The following ERC2 variants were observed in gnomAD, a reference collection of about 807,000 sequenced individuals.
The protein encoded by ERC2 is ELKS/RAB6-interacting/CAST family member 2.
ERC2 carries 42 observed loss-of-function variants against 114.8 expected under a neutral mutation model. The ratio of observed to expected loss-of-function variants is 0.37; its 90% CI spans 0.29 to 0.47. ERC2 has a LOEUF of 0.47. ERC2 is among the 20% of genes least tolerant of loss of function. ERC2 has a pLI of 0.99. For synonymous variants in ERC2, 454 were observed against 425.5 expected (o/e 1.07, Z -0.82); for missense variants, 939 against 1,150.7 (o/e 0.82, Z 2.66).
intron 17 of ERC2, among the ~76,000 whole-genome samples, chr3:55,640,907 C>T (rs760050665): frequency 3.3e-5 from 5 of 152,098 alleles, no homozygotes; most frequent in African/African-American, 9.7e-5. Context: ...CTGTGGGGAG[C>T]GAACACGACA....
intron 2 of ERC2, among the ~76,000 whole-genome samples, chr3:56,336,026 C>T (rs1869160): frequency 6.6e-6 from 1 of 152,122 alleles, no homozygotes; most frequent in South Asian, 2.1e-4. Context: ...GCAGTTCAAC[C>T]TAGTGCACTG....
chr3:56,004,551 A>C (rs1050743483), intron 10 of ERC2, among the ~76,000 whole-genome samples: 1 of 152,036 alleles, frequency 6.6e-6, no homozygotes, highest in Non-Finnish European at 1.5e-5. Flanking sequence ...TGTTCTCCAC[A>C]AACTTTTATG....
intron 3 of ERC2, among the ~76,000 whole-genome samples, chr3:56,216,778 A>C (rs2049507551): frequency 6.6e-6 from 1 of 152,230 alleles, no homozygotes; most frequent in Non-Finnish European, 1.5e-5. Context: ...CAGCACATCA[A>C]AAAGCTTGTC....
At chr3:56,191,314 C>A (rs2047763181) in intron 3 of ERC2, among the ~76,000 whole-genome samples, 1 of 152,152 alleles carries the variant, frequency 6.6e-6, no homozygotes, top group Admixed American at 6.5e-5. Context: ...CCACGTACTA[C>A]CCCTGGAGGA....
At chr3:56,366,519 A>C (rs1360715729) in intron 2 of ERC2, among the ~76,000 whole-genome samples, 1 of 152,162 alleles carries the variant, frequency 6.6e-6, no homozygotes, top group Non-Finnish European at 1.5e-5. Flanking sequence ...GTCTGTGACA[A>C]CGTGGTAAGT....
rs188361766 is a variant in ERC2, at chr3:56,193,254, C to G, written c.1075-19734G>C. Among the ~76,000 whole-genome samples, 67 of 152,330 alleles carry G rather than the reference C, an allele frequency of 4.4e-4. 1 individual carries two copies. In the East Asian group the frequency reaches 0.01, roughly 24 times the overall value. On this transcript the variant is annotated intron_variant, in intron 3 of 17. Coordinates refer to ENST00000288221, the MANE Select transcript of ERC2 (RefSeq NM_015576.3). Reference sequence around the variant, plus strand: ...TATCAAACTGTGTGCTGGCTCACGTCTGTACTCCCAGCACTTTGGGAGGCC... The same window carrying G: ...TATCAAACTGTGTGCTGGCTCACGTGTGTACTCCCAGCACTTTGGGAGGCC...
In ERC2 at chr3:55,931,402, C is replaced by T. The variant is rs374532816; in HGVS notation, c.2403+19023G>A. ...ATAAAGAAAACATGGCACATATACACTATGGAATACTATGCAGCCATAAAA... is the reference window on the plus strand; with the variant it reads ...ATAAAGAAAACATGGCACATATACATTATGGAATACTATGCAGCCATAAAA... On this transcript the variant is annotated intron_variant, in intron 13 of 17. Transcript: ENST00000288221. Among the ~76,000 whole-genome samples, 3 of 152,312 alleles carry T rather than the reference C, an allele frequency of 2.0e-5. No homozygotes were observed. In the East Asian group the frequency reaches 5.8e-4, roughly 29 times the overall value.
rs759897060 is a variant in ERC2 at position 56,149,062 on chromosome 3, T to C, written c.1220A>G (p.Asn407Ser). ...LEDEIQMLKA[N>S]GVLNTEDREE... ...GCGGTCCTCAGTGTTCAGCACACCA[T>C]TGGCTTTTAACATCTGGATCTCATC... Residue 407 changes from asparagine to serine, a missense_variant, in exon 5 of 18, where the codon AAT becomes AGT. Asn to Ser is a conservative substitution (Grantham distance 46, BLOSUM62 1). This residue lies in a region of ERC2 where 148 missense variants were observed against 159.1 expected (regional missense o/e 0.93). Transcript: ENST00000288221. The C allele has an allele frequency of 1.1e-5, 17 of 1,613,430 alleles. No individual in the cohort carries two copies. The South Asian group carries it at 1.5e-4, about 15-fold the overall frequency.
chr3:55,735,937 A>C (rs1157007103), intron 14 of ERC2, among the ~76,000 whole-genome samples: 1 of 152,132 alleles, frequency 6.6e-6, no homozygotes. Context: ...CAAACCCTGA[A>C]CTTAGAAGTC....
intron 15 of ERC2, among the ~76,000 whole-genome samples, chr3:55,721,560 G>A (rs2064553999): frequency 6.6e-6 from 1 of 152,230 alleles, no homozygotes; most frequent in African/African-American, 2.4e-5. Flanking sequence ...TGGGGGAACT[G>A]AGCCTGTGAG....
chr3:56,257,200 T>C (rs1183450151), intron 3 of ERC2, among the ~76,000 whole-genome samples: 1 of 152,176 alleles, frequency 6.6e-6, no homozygotes, highest in Admixed American at 6.5e-5. Context: ...TCCAGATGAC[T>C]TTCATCTATA....
intron 16 of ERC2, 24 bp downstream of exon 16, chr3:55,699,354 G>A: frequency 6.2e-7 from 1 of 1,613,182 alleles, no homozygotes. Context: ...AGGGGTCTTG[G>A]AGGTAAGCAG....
At chr3:55,803,073 G>C (rs1012677816) in intron 14 of ERC2, among the ~76,000 whole-genome samples, 3 of 152,152 alleles carry the variant, frequency 2.0e-5, no homozygotes, top group Non-Finnish European at 2.9e-5. Flanking sequence ...GTATGGTGGT[G>C]ATACTAAACA....
chr3:56,060,725 A>G (rs1037712373), intron 7 of ERC2, among the ~76,000 whole-genome samples: 1 of 152,182 alleles, frequency 6.6e-6, no homozygotes, highest in Admixed American at 6.5e-5. Context: ...CATCGTCCCA[A>G]TGGACCCTGT....
At chr3:55,769,396 C>T (rs2068040432) in intron 14 of ERC2, among the ~76,000 whole-genome samples, 1 of 151,890 alleles carries the variant, frequency 6.6e-6, no homozygotes, top group Non-Finnish European at 1.5e-5. Context: ...CCTCTTTTCC[C>T]TCCTTGCTGA....
At chr3:55,515,169 T>A (rs2052400311) in intron 17 of ERC2, among the ~76,000 whole-genome samples, 1 of 152,240 alleles carries the variant, frequency 6.6e-6, no homozygotes, top group Non-Finnish European at 1.5e-5. Flanking sequence ...GACGTCAATC[T>A]TTATTTTCTT....
chr3:55,946,908 C>T (rs2067158976), intron 13 of ERC2, among the ~76,000 whole-genome samples: 1 of 152,148 alleles, frequency 6.6e-6, no homozygotes, highest in African/African-American at 2.4e-5. Flanking sequence ...TACTAAACTG[C>T]CACCTCTTTC....
At chr3:55,735,599 A>G (rs2065582251) in intron 14 of ERC2, among the ~76,000 whole-genome samples, 1 of 152,160 alleles carries the variant, frequency 6.6e-6, no homozygotes, top group African/African-American at 2.4e-5. Context: ...GATCCTCATG[A>G]TCTAAGCACC....
intron 6 of ERC2, among the ~76,000 whole-genome samples, chr3:56,097,283 C>G (rs1362071090): frequency 6.6e-6 from 1 of 152,054 alleles, no homozygotes; most frequent in Non-Finnish European, 1.5e-5. Flanking sequence ...AAAAACTAAG[C>G]TGGAAGCAAG....
Sources: allele counts gnomAD v4.1 joint callset (sites outside exome capture counted in the v4.1 genomes callset), GRCh38; gene constraint gnomAD v4.1.1; regional missense constraint gnomAD v4.1.1; transcripts MANE v1.5; gene names NCBI Gene and HGNC (gene_info 2026-07-23, HGNC 2026-07-21).